Variants in GTF3C4 observed in about 807,000 individuals in gnomAD.
GTF3C4 encodes the protein general transcription factor 3C polypeptide 4.
GTF3C4 carries 28 observed loss-of-function variants against 67.5 expected under a neutral mutation model. That is an observed-to-expected ratio of 0.41 (90% CI 0.31 to 0.57). The LOEUF (loss-of-function observed/expected upper bound fraction) is 0.57, where lower values mean the gene tolerates loss of function less well. GTF3C4 is among the 20% of genes least tolerant of loss of function. The pLI is 0.21. For synonymous variants in GTF3C4, 409 were observed against 393.0 expected, an observed-to-expected ratio of 1.04 and a Z score of -0.48; for missense variants, 831 against 1,033.2, an observed-to-expected ratio of 0.80 and a Z score of 2.68.
intron 4 of GTF3C4, among the ~76,000 whole-genome samples, chr9:132,688,224 C>T (rs1233601703): frequency 6.6e-6 from 1 of 152,224 alleles, no homozygotes; most frequent in African/African-American, 2.4e-5. Flanking sequence ...GTAGTTCCCT[C>T]ACCCACCTCC....
chr9:132,683,637 C>G lies in GTF3C4; in HGVS notation c.2259C>G (p.Ile753Met), dbSNP rs779452492. 1 of 1,613,366 alleles carries G rather than the reference C, an allele frequency of 6.2e-7. No individual in the cohort carries two copies. The highest frequency in any genetic ancestry group is 1.1e-5 in the South Asian group (1 of 90,818). ...AGCACTGTAGTTTGTGTAAAGAGAT[C>G]TTGCCATTCACAGATCGCAAACAGG... ...FPEHCSLCKE[I>M]LPFTDRKQAV... Residue 753 changes from isoleucine to methionine, a missense_variant, in exon 3 of 5, where the codon ATC (isoleucine) becomes ATG (methionine). Physicochemically the swap from Ile to Met is conservative, Grantham distance 10 (BLOSUM62 1). Around this residue, in one of 4 missense-constraint regions of GTF3C4, gnomAD observed 129 missense variants for 213.8 expected, o/e 0.60. Transcript: ENST00000372146.
At position 132,683,675 on chromosome 9, in the gene GTF3C4, A is replaced by G. The variant is rs763842441; in HGVS notation, c.2297A>G (p.Asn766Ser). Residue 766 changes from asparagine to serine, a missense_variant, in exon 3 of 5, where the codon AAT becomes AGT. Around this residue, in one of 4 missense-constraint regions of GTF3C4, gnomAD observed 129 missense variants for 213.8 expected, o/e 0.60. Coordinates refer to ENST00000372146, the MANE Select transcript of GTF3C4 (RefSeq NM_012204.4). ...GATCGCAAACAGGCAGTCTGTTCCA[A>G]TGGCCACATTTGGCTCCGGTAAGCC... ...FTDRKQAVCSNGHIWLRCFLT... is the reference protein window; with the variant it reads ...FTDRKQAVCSSGHIWLRCFLT... 81 of 1,609,714 alleles carry G rather than the reference A, an allele frequency of 5.0e-5. No homozygotes were observed. The highest frequency in any genetic ancestry group is 6.2e-5 in the Non-Finnish European group (73 of 1,179,066).
Position 132,692,236 on chromosome 9 carries a change from A to G in GTF3C4, c.*3291A>G, listed in dbSNP as rs1389550782. 6.6e-6 allele frequency: 1 copy of G among 152,214 alleles called. No homozygotes were observed. Among genetic ancestry groups the G allele is most frequent in the African/African-American group, 2.4e-5 (1 of 41,452 alleles). The allele number at this position is 152,214 out of a possible 1,614,324, so 9.4% of individuals were successfully genotyped here. Reference sequence around the variant, plus strand: ...CTTTAGAACACAGATTACATGTTGGAAAGAAAAATGGATTAATGGTAAAAT... The same window carrying G: ...CTTTAGAACACAGATTACATGTTGGGAAGAAAAATGGATTAATGGTAAAAT... On this transcript the variant is annotated 3_prime_UTR_variant, in exon 5 of 5. Transcript: ENST00000372146.
At chr9:132,670,361 GA>G, upstream of GTF3C4, 2 of 1,335,804 alleles carry the variant, frequency 1.5e-6, no homozygotes, top group Non-Finnish European at 9.8e-7. Flanking sequence ...CCTGGGCAGG[GA>G]AAAGGGGGTC....
chr9:132,688,524 A>G (rs1836064115), intron 4 of GTF3C4, among the ~76,000 whole-genome samples: 2 of 152,186 alleles, frequency 1.3e-5, no homozygotes, highest in Non-Finnish European at 2.9e-5. Context: ...AAAAATTCCT[A>G]TTACTGTAAT....
chr9:132,678,081 G>A lies in GTF3C4; in HGVS notation c.462G>A (p.Glu154=). Residue 154 remains glutamate, a synonymous_variant, in exon 2 of 5, where the codon GAG becomes GAA. Transcript: ENST00000372146. The surrounding 1 kb of genome is among the most constrained non-coding windows in gnomAD (Gnocchi z 6.5). ...TGTTGGATAGGGTGTTCAACCCTGA[G>A]GGGAAGGCTTTACCACCAATGAGAG... ...TFMLDRVFNP[E]GKALPPMRGF... 6.2e-7 allele frequency: 1 copy of A among 1,614,188 alleles called. No individual in the cohort carries two copies. Among genetic ancestry groups the A allele is most frequent in the Non-Finnish European group, 8.5e-7 (1 of 1,180,010 alleles).
At chr9:132,686,323 T>C (rs1033864015) in intron 3 of GTF3C4, among the ~76,000 whole-genome samples, 1 of 152,234 alleles carries the variant, frequency 6.6e-6, no homozygotes, top group Non-Finnish European at 1.5e-5. Flanking sequence ...CCCAGTATGA[T>C]TTCTCTAGGT....
rs1171419229 is a variant in GTF3C4 at position 132,681,555 on chromosome 9, T to C, written c.2184+1752T>C. Among the ~76,000 whole-genome samples the C allele has an allele frequency of 2.6e-5, 4 of 152,204 alleles. 1 individual carries two copies. The East Asian group carries it at 7.7e-4, about 29-fold the overall frequency. On this transcript the variant is annotated intron_variant, in intron 2 of 4. Transcript: ENST00000372146. ...CTAGCATTTTTTAACCTTTTTAAATTATCACTCCCCCCCGAACATTTTTAG... is the reference window on the plus strand; with the variant it reads ...CTAGCATTTTTTAACCTTTTTAAATCATCACTCCCCCCCGAACATTTTTAG...
At position 132,678,156 on chromosome 9, in the gene GTF3C4, G is replaced by T; in HGVS notation, c.537G>T (p.Arg179Ser). 1 of 1,614,196 alleles carries T rather than the reference G, an allele frequency of 6.2e-7. No individual in the cohort carries two copies. The highest frequency in any genetic ancestry group is 8.5e-7 in the Non-Finnish European group (1 of 1,179,980). Reference sequence around the variant, plus strand: ...CCATGGGTTGCGATGCTAATGGCAGGTGCCTCTTGGCAGCACTGACCATGG... The same window carrying T: ...CCATGGGTTGCGATGCTAATGGCAGTTGCCTCTTGGCAGCACTGACCATGG... ...WSPMGCDANG[R>S]CLLAALTMDN... The change falls in exon 2 of 5, where the codon AGG becomes AGT. Residue 179 changes from arginine (R) to serine (S), a missense_variant. Arg to Ser is a moderately radical substitution (Grantham distance 110). This residue lies in a region of GTF3C4 where 390 missense variants were observed against 540.3 expected (regional missense o/e 0.72). Transcript: ENST00000372146. This position sits in a 1 kb window ranked among gnomAD's most constrained non-coding sequence, Gnocchi z 6.5.
Position 132,679,473 on chromosome 9 carries a change from C to T in GTF3C4, c.1854C>T (p.Asp618=), listed in dbSNP as rs199853514. ...ATTCGCCTGGGATGGGCAATGCTGA[C>T]GATGAACAGCAGGAAGAAGGCACTT... ...LVDSPGMGNA[D]DEQQEEGTSS... The change falls in exon 2 of 5, where the codon GAC becomes GAT. Residue 618 remains aspartate (D), a synonymous_variant. Coordinates refer to ENST00000372146, the MANE Select transcript of GTF3C4 (RefSeq NM_012204.4). This position sits in a 1 kb window ranked among gnomAD's most constrained non-coding sequence, Gnocchi z 5.9. 167 of 1,614,026 alleles carry T rather than the reference C, an allele frequency of 1.0e-4. No homozygotes were observed. The highest frequency in any genetic ancestry group is 1.8e-4 in the East Asian group (8 of 44,874).
chr9:132,671,789 T>C (rs1332190163), intron 1 of GTF3C4, among the ~76,000 whole-genome samples: 3 of 152,134 alleles, frequency 2.0e-5, no homozygotes, highest in Non-Finnish European at 2.9e-5. Flanking sequence ...GTTCTGGAAA[T>C]AAAGCAGTGT....
At chr9:132,674,381 C>G (rs539584539) in intron 1 of GTF3C4, among the ~76,000 whole-genome samples, 2 of 152,180 alleles carry the variant, frequency 1.3e-5, no homozygotes, top group Non-Finnish European at 2.9e-5. Context: ...GTTCAGTAGT[C>G]TAGTTGAAAC....
In GTF3C4 at chr9:132,679,750, G is replaced by A; in HGVS notation, c.2131G>A (p.Gly711Arg). ...ITENTSIPTR[G>R]LCNFLMSDEE... Reference sequence around the variant, plus strand: ...AGAAAACACTAGCATCCCCACCCGCGGACTCTGTAACTTTTTAATGTCTGA... The same window carrying A: ...AGAAAACACTAGCATCCCCACCCGCAGACTCTGTAACTTTTTAATGTCTGA... Residue 711 changes from glycine to arginine, a missense_variant, in exon 2 of 5, where the codon GGA becomes AGA. This residue lies in a region of GTF3C4 where 129 missense variants were observed against 213.8 expected (regional missense o/e 0.60). Coordinates refer to ENST00000372146, the MANE Select transcript of GTF3C4 (RefSeq NM_012204.4). This position sits in a 1 kb window ranked among gnomAD's most constrained non-coding sequence, Gnocchi z 5.9. The A allele has an allele frequency of 1.2e-6, 2 of 1,613,812 alleles. No homozygotes were observed. The highest frequency in any genetic ancestry group is 1.7e-6 in the Non-Finnish European group (2 of 1,179,800).
At chr9:132,673,704 G>A (rs933432753) in intron 1 of GTF3C4, among the ~76,000 whole-genome samples, 1 of 152,198 alleles carries the variant, frequency 6.6e-6, no homozygotes, top group African/African-American at 2.4e-5. Context: ...GTGTAGCACT[G>A]TTAGAAAGCT....
At position 132,678,466 on chromosome 9, in the gene GTF3C4, G is replaced by A. The variant is rs779585989; in HGVS notation, c.847G>A (p.Gly283Ser). Residue 283 changes from glycine (G) to serine (S), a missense_variant, in exon 2 of 5, where the codon GGT becomes AGT. Gly to Ser is a moderately conservative substitution (Grantham distance 56). Coordinates refer to ENST00000372146, the MANE Select transcript of GTF3C4 (RefSeq NM_012204.4). This position sits in a 1 kb window ranked among gnomAD's most constrained non-coding sequence, Gnocchi z 6.5. ...GCTCCTGGCTGTCCTCTTTGAAAACGGTAATATCGCCGTGTGGCAGTTTCA... is the reference window on the plus strand; with the variant it reads ...GCTCCTGGCTGTCCTCTTTGAAAACAGTAATATCGCCGTGTGGCAGTTTCA... ...SVLLAVLFENGNIAVWQFQLP... is the reference protein window; with the variant it reads ...SVLLAVLFENSNIAVWQFQLP... 14 of 1,614,080 alleles carry A rather than the reference G, an allele frequency of 8.7e-6. No homozygotes were observed. The highest frequency in any genetic ancestry group is 2.2e-5 in the East Asian group (1 of 44,902).
intron 1 of GTF3C4, among the ~76,000 whole-genome samples, chr9:132,675,369 C>A (rs982522201): frequency 6.6e-6 from 1 of 152,118 alleles, no homozygotes; most frequent in Admixed American, 6.5e-5. Context: ...TATTTCCAAG[C>A]CAGCCACCTA....
chr9:132,670,261 G>A, upstream of GTF3C4: 4 of 1,522,542 alleles, frequency 2.6e-6, no homozygotes, highest in Non-Finnish European at 3.5e-6. Context: ...TCACCGACGA[G>A]CCTCCCCTTT....
In GTF3C4 at chr9:132,694,463, C is replaced by A. The variant is rs117063415; in HGVS notation, c.*5518C>A. ...GCTTTTTTGGGTTGAACCAGATCAT[C>A]CCACATCCTTAGCACTACTTAACCT... On this transcript the variant is annotated 3_prime_UTR_variant, in exon 5 of 5. Transcript: ENST00000372146. The A allele has an allele frequency of 2.0e-5, 3 of 152,324 alleles. No individual in the cohort carries two copies. The East Asian group carries it at 5.8e-4, about 29-fold the overall frequency. 9.4% of individuals were successfully genotyped at this position (152,324 alleles called of 1,614,324 possible). A position where few individuals can be genotyped will look rare whatever the true frequency, so the allele number is the denominator to read the frequency against.
At chr9:132,676,656 A>G (rs944058524) in intron 1 of GTF3C4, among the ~76,000 whole-genome samples, 4 of 151,850 alleles carry the variant, frequency 2.6e-5, no homozygotes, top group Non-Finnish European at 5.9e-5. Flanking sequence ...TTGCACTCTG[A>G]TTTTCTGATA....
Sources: gnomAD v4.1 joint callset for allele counts (sites outside exome capture counted in the v4.1 genomes callset) on GRCh38, gnomAD v4.1.1 for gene constraint, gnomAD v4.1.1 regional missense constraint, Gnocchi (gnomAD v3.1) non-coding constraint, MANE v1.5 for transcripts, NCBI Gene and HGNC (gene_info 2026-07-23, HGNC 2026-07-21) for gene names.